PPARGC1A: variants seen among roughly 807,000 people sequenced by gnomAD.
PPARGC1A encodes the protein peroxisome proliferator-activated receptor gamma coactivator 1-alpha.
A neutral mutation model predicts 88.7 loss-of-function variants in PPARGC1A; 25 were observed. The observed-to-expected ratio is 0.28, with a 90% CI of 0.21 to 0.39. The LOEUF (loss-of-function observed/expected upper bound fraction) is 0.39. Among genes scored for constraint, PPARGC1A ranks in the 10% least tolerant of loss-of-function variants. The pLI is 1.00. For missense variants in PPARGC1A, 880 were observed against 968.7 expected (o/e 0.91, Z 1.22); for synonymous variants, 363 against 355.6 (o/e 1.02, Z -0.24).
At chr4:23,922,180 T>C in the PPARGC1A span, among the ~76,000 whole-genome samples, 1 of 152,214 alleles carries the variant, frequency 6.6e-6, no homozygotes, top group Admixed American at 6.5e-5. Flanking sequence ...TTAGGCATGT[T>C]AGACACAGAC....
the PPARGC1A span, among the ~76,000 whole-genome samples, chr4:24,363,406 CT>C: frequency 6.6e-6 from 1 of 152,150 alleles, no homozygotes; most frequent in Non-Finnish European, 1.5e-5. Context: ...AACATTCAGA[CT>C]AGGACAAGAA....
At chr4:24,082,054 C>G in the PPARGC1A span, among the ~76,000 whole-genome samples, 2 of 152,112 alleles carry the variant, frequency 1.3e-5, no homozygotes, top group Admixed American at 1.3e-4. Context: ...AGGACACTCT[C>G]CCTAAAGTGT....
the PPARGC1A span, among the ~76,000 whole-genome samples, chr4:24,209,716 C>T: frequency 6.6e-6 from 1 of 152,142 alleles, no homozygotes; most frequent in Non-Finnish European, 1.5e-5. Context: ...GTGTGTCTTC[C>T]ATTCATATCT....
chr4:24,031,852 A>C, the PPARGC1A span, among the ~76,000 whole-genome samples: 1 of 152,208 alleles, frequency 6.6e-6, no homozygotes, highest in African/African-American at 2.4e-5. Flanking sequence ...AGACTATCCC[A>C]GTATCCCAGT....
At chr4:23,974,169 A>T in the PPARGC1A span, among the ~76,000 whole-genome samples, 12 of 152,134 alleles carry the variant, frequency 7.9e-5, no homozygotes, top group Non-Finnish European at 1.3e-4. Flanking sequence ...AATAATAATA[A>T]CATGGCAAAA....
the PPARGC1A span, among the ~76,000 whole-genome samples, chr4:24,171,137 C>T: frequency 1.3e-5 from 2 of 152,116 alleles, no homozygotes; most frequent in South Asian, 2.1e-4. Flanking sequence ...CCCGGCCAGG[C>T]GCGGTGGCTC....
At chr4:24,171,150 G>A in the PPARGC1A span, among the ~76,000 whole-genome samples, 15 of 152,062 alleles carry the variant, frequency 9.9e-5, no homozygotes, top group Non-Finnish European at 1.5e-4. Context: ...GGTGGCTCAC[G>A]CCTGTAATCC....
chr4:24,153,876 A>C, the PPARGC1A span, among the ~76,000 whole-genome samples: 2 of 152,182 alleles, frequency 1.3e-5, no homozygotes, highest in Non-Finnish European at 2.9e-5. Context: ...CGACTTGCCA[A>C]ACAAAAGTGG....
At chr4:24,393,542 A>G in the PPARGC1A span, among the ~76,000 whole-genome samples, 2,005 of 152,310 alleles carry the variant, frequency 0.013, 47 homozygotes, top group African/African-American at 0.046. Context: ...ATTAACTCTC[A>G]CTAGAGGGAT....
At chr4:24,123,046 C>T in the PPARGC1A span, among the ~76,000 whole-genome samples, 60 of 152,276 alleles carry the variant, frequency 3.9e-4, no homozygotes, top group Middle Eastern at 3.4e-3. Context: ...TGCAAACACA[C>T]GCACTGGTGG....
chr4:24,308,889 T>C, the PPARGC1A span, among the ~76,000 whole-genome samples: 8,830 of 152,090 alleles, frequency 0.058, 536 homozygotes, highest in East Asian at 0.19. Context: ...GGGGGTAAAA[T>C]CTCAAAGGAG....
the PPARGC1A span, among the ~76,000 whole-genome samples, chr4:24,159,481 T>C: frequency 6.6e-6 from 1 of 152,156 alleles, no homozygotes; most frequent in Non-Finnish European, 1.5e-5. Flanking sequence ...AGTGCTGGGA[T>C]TACAGGCGTG....
At chr4:24,030,407 T>C in the PPARGC1A span, among the ~76,000 whole-genome samples, 1 of 152,234 alleles carries the variant, frequency 6.6e-6, no homozygotes, top group African/African-American at 2.4e-5. Context: ...AAGGTTTACA[T>C]TCAGTGTAAA....
At chr4:23,846,041 C>A (rs915592383) in intron 2 of PPARGC1A, among the ~76,000 whole-genome samples, 7 of 152,098 alleles carry the variant, frequency 4.6e-5, no homozygotes, top group African/African-American at 1.7e-4. Flanking sequence ...AGCTAATAAC[C>A]TCAAAGGGGG....
the PPARGC1A span, among the ~76,000 whole-genome samples, chr4:24,143,668 A>G: frequency 6.6e-6 from 1 of 152,252 alleles, no homozygotes; most frequent in East Asian, 1.9e-4. Context: ...GTGTAGTCTT[A>G]ATTACATGAC....
the PPARGC1A span, among the ~76,000 whole-genome samples, chr4:24,318,369 T>C: frequency 2.0e-5 from 3 of 152,238 alleles, no homozygotes; most frequent in African/African-American, 7.2e-5. Context: ...TTTAAAATTC[T>C]TTGGCTTGAA....
chr4:23,949,515 A>G, the PPARGC1A span, among the ~76,000 whole-genome samples: 1 of 152,198 alleles, frequency 6.6e-6, no homozygotes, highest in Admixed American at 6.5e-5. Flanking sequence ...TGACCAGGAC[A>G]TCGAGGTTAT....
At chr4:23,879,325 C>G (rs1011633529) in intron 2 of PPARGC1A, among the ~76,000 whole-genome samples, 2 of 152,008 alleles carry the variant, frequency 1.3e-5, no homozygotes, top group Non-Finnish European at 2.9e-5. Flanking sequence ...TCCAAGGAGA[C>G]AAGTGAAAAA....
intron 10 of PPARGC1A, among the ~76,000 whole-genome samples, chr4:23,808,898 G>T (rs773727280): frequency 6.6e-6 from 1 of 151,704 alleles, no homozygotes; most frequent in Admixed American, 6.6e-5. Flanking sequence ...GCAGACAAAG[G>T]TTAAAAAGAT....
Sources: allele counts gnomAD v4.1 joint callset (sites outside exome capture counted in the v4.1 genomes callset), GRCh38; gene constraint gnomAD v4.1.1; transcripts MANE v1.5; gene names NCBI Gene and HGNC (gene_info 2026-07-23, HGNC 2026-07-21).